Variants in DIP2B observed in about 807,000 individuals in gnomAD.
DIP2B encodes the protein DIP2 acetate--CoA ligase B (putative), also known as disco-interacting protein 2 homolog B.
DIP2B carries 76 observed loss-of-function variants against 198.0 expected under a neutral mutation model. The ratio of observed to expected loss-of-function variants is 0.38; its 90% CI spans 0.32 to 0.46. The LOEUF is 0.46. Among genes scored for constraint, DIP2B ranks in the 20% least tolerant of loss-of-function variants. DIP2B has a pLI of 0.99. For synonymous variants in DIP2B, 701 were observed against 739.1 expected (o/e 0.95, Z 0.84); for missense variants, 1,559 against 1,978.4 (o/e 0.79, Z 4.02).
intron 1 of DIP2B, among the ~76,000 whole-genome samples, chr12:50,515,615 GCT>G (rs1187797630): frequency 6.6e-6 from 1 of 152,082 alleles, no homozygotes; most frequent in Non-Finnish European, 1.5e-5. Context: ...CCTTCCTCGT[GCT>G]CTCTCTGGGG....
chr12:50,505,001 T>G lies in DIP2B; in HGVS notation c.-140T>G, dbSNP rs1289549562. On this transcript the variant is annotated 5_prime_UTR_variant, in exon 1 of 38. An upstream start codon of the reference 5' UTR is lost. Transcript: ENST00000301180. The stretch of plus-strand genomic sequence containing the variant: ...GTCGCGCTCACGTGACCTTTGCTCA[T>G]GGCGGCGGCGGCGGCGGCGGCGGTG... 1.5e-6 allele frequency: 1 copy of G among 650,322 alleles called. No homozygotes were observed. 40.3% of individuals were successfully genotyped at this position (650,322 alleles called of 1,614,324 possible). A position where few individuals can be genotyped will look rare whatever the true frequency, so the allele number is the denominator to read the frequency against.
chr12:50,617,296 C>T (rs530152018), intron 1 of DIP2B, among the ~76,000 whole-genome samples: 1 of 151,808 alleles, frequency 6.6e-6, no homozygotes, highest in South Asian at 2.1e-4. Context: ...GCTGGGACTA[C>T]AGGCGCCCGC....
intron 3 of DIP2B, among the ~76,000 whole-genome samples, chr12:50,651,780 G>A (rs1938457679): frequency 6.6e-6 from 1 of 152,086 alleles, no homozygotes. Context: ...GTGTTTCCCA[G>A]GCTGGTCTGG....
chr12:50,704,386 A>G (rs960667072), intron 20 of DIP2B, among the ~76,000 whole-genome samples, 166 bp downstream of exon 20: 1 of 152,234 alleles, frequency 6.6e-6, no homozygotes, highest in Non-Finnish European at 1.5e-5. Flanking sequence ...AGTGTTTATC[A>G]TTTCCACTAC....
At chr12:50,679,909 A>G (rs796176174) in intron 8 of DIP2B, 8 of 152,292 alleles carry the variant, frequency 5.3e-5, no homozygotes, top group African/African-American at 1.7e-4. Context: ...GATACCACCT[A>G]TGTAAGTGGT....
At chr12:50,584,001 C>G (rs1233060501) in intron 1 of DIP2B, among the ~76,000 whole-genome samples, 1 of 152,226 alleles carries the variant, frequency 6.6e-6, no homozygotes, top group Non-Finnish European at 1.5e-5. Context: ...CCTCACAGAC[C>G]TATTCTCATT....
At chr12:50,506,311 G>T (rs534181557) in intron 1 of DIP2B, among the ~76,000 whole-genome samples, 13 of 152,232 alleles carry the variant, frequency 8.5e-5, no homozygotes, top group African/African-American at 2.9e-4. Flanking sequence ...TTTTCAAGTG[G>T]ATCAAAAACT....
At chr12:50,726,929 A>G (rs1939947548) in intron 28 of DIP2B, among the ~76,000 whole-genome samples, 1 of 152,094 alleles carries the variant, frequency 6.6e-6, no homozygotes, top group African/African-American at 2.4e-5. Flanking sequence ...CCTGGGCAAT[A>G]CAGTGAGACC....
intron 1 of DIP2B, among the ~76,000 whole-genome samples, chr12:50,584,004 T>C (rs553055206): frequency 1.4e-4 from 21 of 152,334 alleles, no homozygotes; most frequent in South Asian, 6.2e-4. Context: ...CACAGACCTA[T>C]TCTCATTCCC....
At chr12:50,716,958 C>CTTTTTTGTTTTTTTTTTTTTTTTTT (rs1939732231) in intron 23 of DIP2B, among the ~76,000 whole-genome samples, 1 of 58,924 alleles carries the variant, frequency 1.7e-5, no homozygotes, top group African/African-American at 6.2e-5. Flanking sequence ...CGAATTGTTG[C>CTTTTTTGTTTTTTTTTTTTTTTTTT]TTTTTTTTTT....
chr12:50,576,752 AT>A (rs141357376), intron 1 of DIP2B, among the ~76,000 whole-genome samples: 48,483 of 151,930 alleles, frequency 0.32, 7,897 homozygotes, highest in South Asian at 0.39. Flanking sequence ...AAGTGCTGGG[AT>A]TACAGGCGTG....
chr12:50,525,780 C>A (rs990718017), intron 1 of DIP2B, among the ~76,000 whole-genome samples: 1 of 152,036 alleles, frequency 6.6e-6, no homozygotes, highest in African/African-American at 2.4e-5. Context: ...CCCAAAGTGC[C>A]GGGGTTGCAG....
At position 50,540,789 on chromosome 12, in the gene DIP2B, G is replaced by A. The variant is rs369149934; in HGVS notation, c.100+35549G>A. Among the ~76,000 whole-genome samples, 75 of 151,082 alleles carry A rather than the reference G, an allele frequency of 5.0e-4. No individual in the cohort carries two copies. The East Asian group carries it at 0.01, about 21-fold the overall frequency. ...CCTGACCTCGTGATCCGCCCGCCTC[G>A]GCCTCCCAAAGTGCTGGGATTACAG... On this transcript the variant is annotated intron_variant, in intron 1 of 37. Transcript: ENST00000301180.
chr12:50,739,697 G>C, intron 36 of DIP2B, 111 bp downstream of exon 36: 1 of 1,304,698 alleles, frequency 7.7e-7, no homozygotes. Context: ...TACTCCCTTC[G>C]GTGACTCTTA....
intron 19 of DIP2B, among the ~76,000 whole-genome samples, chr12:50,703,727 G>A (rs1939462535): frequency 6.6e-6 from 1 of 152,280 alleles, no homozygotes; most frequent in Non-Finnish European, 1.5e-5. Context: ...GTAAGTGGCA[G>A]AGCCAGAAAT....
chr12:50,572,946 C>T (rs1403923694), intron 1 of DIP2B, among the ~76,000 whole-genome samples: 2 of 152,142 alleles, frequency 1.3e-5, no homozygotes, highest in Non-Finnish European at 2.9e-5. Context: ...GGAGAATATG[C>T]CCAGTGTCAG....
At chr12:50,627,963 A>G (rs975179909) in intron 2 of DIP2B, among the ~76,000 whole-genome samples, 1 of 151,896 alleles carries the variant, frequency 6.6e-6, no homozygotes, top group Non-Finnish European at 1.5e-5. Context: ...TTAGATCCCA[A>G]CCCCTCCTCC....
At chr12:50,656,044 A>G (rs1938549231) in intron 3 of DIP2B, among the ~76,000 whole-genome samples, 1 of 152,230 alleles carries the variant, frequency 6.6e-6, no homozygotes, top group Non-Finnish European at 1.5e-5. Flanking sequence ...TGAGTAAAAT[A>G]TATTGAAAAT....
intron 1 of DIP2B, among the ~76,000 whole-genome samples, chr12:50,538,570 C>T (rs938656455): frequency 6.6e-6 from 1 of 152,088 alleles, no homozygotes; most frequent in Non-Finnish European, 1.5e-5. Context: ...CTCTTGATCC[C>T]CTTCTGTGAA....
Sources: allele counts gnomAD v4.1 joint callset (sites outside exome capture counted in the v4.1 genomes callset), GRCh38; gene constraint gnomAD v4.1.1; transcripts MANE v1.5; gene names NCBI Gene and HGNC (gene_info 2026-07-23, HGNC 2026-07-21).